Variants in PSD2 observed in about 807,000 individuals in gnomAD.
PSD2 encodes pleckstrin and Sec7 domain containing 2.
Under a neutral mutation model 69.8 loss-of-function variants are expected in PSD2, and 38 were observed. That is an observed-to-expected ratio of 0.54 (90% CI 0.42 to 0.71). The LOEUF (loss-of-function observed/expected upper bound fraction) is 0.71. PSD2 is among the 30% of genes least tolerant of loss of function. The pLI, the probability that PSD2 is intolerant of heterozygous loss-of-function variation, is 0.00. For synonymous variants in PSD2, 412 were observed against 423.0 expected, an observed-to-expected ratio of 0.97 and a Z score of 0.32; for missense variants, 943 against 1,014.5, an observed-to-expected ratio of 0.93 and a Z score of 0.96.
chr5:139,747,897 C>G, the PSD2 span, among the ~76,000 whole-genome samples: 1 of 152,256 alleles, frequency 6.6e-6, no homozygotes, highest in East Asian at 1.9e-4. The surrounding 1 kb of genome is among the most constrained non-coding windows in gnomAD (Gnocchi z 6.7). Flanking sequence ...CAGCCCTCTC[C>G]CGCGAGCGAG....
intron 1 of PSD2, among the ~76,000 whole-genome samples, chr5:139,800,289 C>T (rs1164063321): frequency 6.6e-6 from 1 of 152,282 alleles, no homozygotes; most frequent in Admixed American, 6.5e-5. Context: ...AGCAAAACAA[C>T]TGCCCTGACT....
chr5:139,831,738 C>A (rs1760603503), intron 7 of PSD2, among the ~76,000 whole-genome samples: 1 of 152,192 alleles, frequency 6.6e-6, no homozygotes, highest in Non-Finnish European at 1.5e-5. Flanking sequence ...TTTATTGTTG[C>A]TCTACATAGT....
the PSD2 span, among the ~76,000 whole-genome samples, chr5:139,746,771 C>G: frequency 6.6e-6 from 1 of 152,188 alleles, no homozygotes; most frequent in Non-Finnish European, 1.5e-5. This position sits in a 1 kb window ranked among gnomAD's most constrained non-coding sequence, Gnocchi z 4.5. Context: ...CCCCGCCATT[C>G]CCTTCATCTA....
At chr5:139,801,954 G>A (rs1429006771) in intron 1 of PSD2, among the ~76,000 whole-genome samples, 4 of 152,170 alleles carry the variant, frequency 2.6e-5, no homozygotes, top group Admixed American at 6.5e-5. Context: ...TCCCTTCAGC[G>A]GGCCATGGGC....
At position 139,809,740 on chromosome 5, in the gene PSD2, G is replaced by A. The variant is rs1447990270; in HGVS notation, c.300G>A (p.Arg100=). The A allele has an allele frequency of 6.2e-7, 1 of 1,614,228 alleles. No homozygotes were observed. Among genetic ancestry groups the A allele is most frequent in the Admixed American group, 1.7e-5 (1 of 60,026 alleles). The change falls in exon 2 of 15, where the codon AGG becomes AGA. Residue 100 remains arginine, a synonymous_variant. Coordinates refer to ENST00000274710, the MANE Select transcript of PSD2 (RefSeq NM_032289.4). The part of the protein sequence containing the change: ...LEDSAESRPW[R]AGVLAEGDNA... ...ATTCAGCGGAGTCCAGGCCCTGGAG[G>A]GCTGGCGTGCTGGCAGAGGGGGACA...
the PSD2 span, among the ~76,000 whole-genome samples, chr5:139,766,458 C>A: frequency 1.3e-5 from 2 of 152,210 alleles, no homozygotes; most frequent in African/African-American, 4.8e-5. Context: ...CACCCTCTCC[C>A]TGTCCCACAA....
intron 1 of PSD2, among the ~76,000 whole-genome samples, chr5:139,799,913 G>A (rs1035806715): frequency 6.6e-6 from 1 of 152,184 alleles, no homozygotes; most frequent in African/African-American, 2.4e-5. Context: ...GGTTTTGAGT[G>A]TATGAGGTCT....
the PSD2 span, among the ~76,000 whole-genome samples, chr5:139,753,386 C>G: frequency 1.3e-5 from 2 of 152,174 alleles, no homozygotes; most frequent in Non-Finnish European, 2.9e-5. Flanking sequence ...AGCTGTGACC[C>G]TCCCTCCCAG....
At position 139,814,377 on chromosome 5, in the gene PSD2, TC is replaced by T; in HGVS notation, c.1016+17del. On this transcript the variant is annotated intron_variant, in intron 4 of 14. Transcript: ENST00000274710. This position sits in a 1 kb window ranked among gnomAD's most constrained non-coding sequence, Gnocchi z 4.4. ...AGCTGGGCAAGAAGTGAGTGTGAGCTCCCCTGCCCCCAACCCTGGGCAAACC... is the reference window on the plus strand; with the variant it reads ...AGCTGGGCAAGAAGTGAGTGTGAGCTCCCTGCCCCCAACCCTGGGCAAACC... 1 of 1,583,234 alleles carries T rather than the reference TC, an allele frequency of 6.3e-7. No homozygotes were observed.
chr5:139,787,383 G>C, the PSD2 span, among the ~76,000 whole-genome samples: 1 of 152,192 alleles, frequency 6.6e-6, no homozygotes, highest in Non-Finnish European at 1.5e-5. Flanking sequence ...CCACTTACTA[G>C]GGGTGCTCTG....
the PSD2 span, among the ~76,000 whole-genome samples, chr5:139,755,129 C>T: frequency 2.0e-5 from 3 of 152,230 alleles, no homozygotes; most frequent in Non-Finnish European, 4.4e-5. Flanking sequence ...CTGCCCCAGC[C>T]TCATGGATTT....
At chr5:139,835,628 AG>A in intron 8 of PSD2, 94 bp from the exon 9 acceptor site, 2 of 1,283,220 alleles carry the variant, frequency 1.6e-6, no homozygotes, top group Non-Finnish European at 2.3e-6. Context: ...TTGGCTGAAA[AG>A]GTGCTCCCTC....
At chr5:139,788,320 C>T in the PSD2 span, among the ~76,000 whole-genome samples, 1 of 152,220 alleles carries the variant, frequency 6.6e-6, no homozygotes, top group Admixed American at 6.5e-5. Context: ...AAAGTCTTGC[C>T]CTCCTCTCCC....
chr5:139,749,159 C>G, the PSD2 span, among the ~76,000 whole-genome samples: 5 of 152,186 alleles, frequency 3.3e-5, no homozygotes, highest in East Asian at 9.6e-4. Context: ...CCCTCCTGTT[C>G]CAGGGCTTTG....
At chr5:139,769,467 T>C in the PSD2 span, among the ~76,000 whole-genome samples, 1 of 152,160 alleles carries the variant, frequency 6.6e-6, no homozygotes, top group Non-Finnish European at 1.5e-5. Context: ...CCAGCTCCTC[T>C]GTGGGGGGCA....
At chr5:139,787,297 C>T in the PSD2 span, among the ~76,000 whole-genome samples, 1 of 152,308 alleles carries the variant, frequency 6.6e-6, no homozygotes, top group East Asian at 1.9e-4. Context: ...TGGATTCTGC[C>T]CCTCCACTCC....
chr5:139,768,140 C>T, the PSD2 span, among the ~76,000 whole-genome samples: 240 of 152,348 alleles, frequency 1.6e-3, no homozygotes, highest in Middle Eastern at 6.8e-3. Context: ...GGGGGCCTTG[C>T]CCCGGAACCT....
rs377162626 is a variant in PSD2, at chr5:139,822,834, C to A, written c.1269+50C>A. On this transcript the variant is annotated intron_variant, in intron 7 of 14. Coordinates refer to ENST00000274710, the MANE Select transcript of PSD2 (RefSeq NM_032289.4). ...TGTCGCATGTCCTCTCAGGGACCCACCTTGTGTTGATCCCGGCCCCTTCCT... is the reference window on the plus strand; with the variant it reads ...TGTCGCATGTCCTCTCAGGGACCCAACTTGTGTTGATCCCGGCCCCTTCCT... 2.6e-6 allele frequency: 4 copies of A among 1,512,376 alleles called. No individual in the cohort carries two copies. In the African/African-American group the frequency reaches 4.2e-5, roughly 16 times the overall value. 93.7% of individuals were successfully genotyped at this position (1,512,376 alleles called of 1,614,324 possible). A position where few individuals can be genotyped will look rare whatever the true frequency, so the allele number is the denominator to read the frequency against.
At chr5:139,833,895 C>T (rs1316406564) in intron 8 of PSD2, 104 bp downstream of exon 8, 1 of 850,952 alleles carries the variant, frequency 1.2e-6, no homozygotes, top group African/African-American at 1.7e-5. Context: ...GCCGTTAACA[C>T]AGGGTGCAGG....
Sources: gnomAD v4.1 joint callset for allele counts (sites outside exome capture counted in the v4.1 genomes callset) on GRCh38, gnomAD v4.1.1 for gene constraint, Gnocchi (gnomAD v3.1) non-coding constraint, MANE v1.5 for transcripts, NCBI Gene and HGNC (gene_info 2026-07-23, HGNC 2026-07-21) for gene names.